PACRG: variants seen among roughly 807,000 people sequenced by gnomAD.
The protein encoded by PACRG is parkin coregulated.
In PACRG, 29 loss-of-function variants were observed where a neutral mutation model predicts 29.7. The ratio of observed to expected loss-of-function variants is 0.98; its 90% CI spans 0.73 to 1.33. The LOEUF (loss-of-function observed/expected upper bound fraction) is 1.33. Among genes scored for constraint, PACRG ranks in the 40% most tolerant of loss-of-function variants. The probability of loss-of-function intolerance (pLI) is 0.00; values close to 1 mark genes in which losing one functional copy is unlikely to be tolerated. For synonymous variants in PACRG, 116 were observed against 118.7 expected (o/e 0.98, Z 0.15); for missense variants, 279 against 316.2 (o/e 0.88, Z 0.89).
chr6:162,792,379 T>A (rs1785026469), intron 1 of PACRG, among the ~76,000 whole-genome samples: 1 of 152,086 alleles, frequency 6.6e-6, no homozygotes, highest in Admixed American at 6.6e-5. Context: ...GTTTCAGGGT[T>A]AGGGTTGCAG....
At chr6:163,018,333 T>C (rs1433695068) in intron 2 of PACRG, among the ~76,000 whole-genome samples, 2 of 152,184 alleles carry the variant, frequency 1.3e-5, no homozygotes, top group Non-Finnish European at 2.9e-5. Flanking sequence ...TAAGTAAATA[T>C]ATACCTAACC....
At chr6:162,914,036 A>T (rs997240082) in intron 2 of PACRG, among the ~76,000 whole-genome samples, 6 of 152,156 alleles carry the variant, frequency 3.9e-5, no homozygotes, top group Non-Finnish European at 7.4e-5. Context: ...CATTTTCTTA[A>T]GGCTCTGCAA....
chr6:163,192,739 T>C (rs1437678326), intron 4 of PACRG, among the ~76,000 whole-genome samples: 1 of 152,186 alleles, frequency 6.6e-6, no homozygotes, highest in Non-Finnish European at 1.5e-5. Flanking sequence ...GAGAGAACAT[T>C]TTATTTTTGT....
At chr6:163,195,597 A>G (rs1780415054) in intron 4 of PACRG, among the ~76,000 whole-genome samples, 1 of 152,120 alleles carries the variant, frequency 6.6e-6, no homozygotes, top group Admixed American at 6.5e-5. Context: ...ATTTTGTGAT[A>G]AGGGAGTGCA....
At position 163,175,353 on chromosome 6, in the gene PACRG, T is replaced by A. The variant is rs551207814; in HGVS notation, c.613+85945T>A. Among the ~76,000 whole-genome samples, 30 of 152,134 alleles carry A rather than the reference T, an allele frequency of 2.0e-4. No homozygotes were observed. In the South Asian group the frequency reaches 5.6e-3, roughly 28 times the overall value. On this transcript the variant is annotated intron_variant, in intron 4 of 4. Transcript: ENST00000366888. ...GAGACTTCTGTTGAAGCTTTGTTTG[T>A]TTGCAGAGGGAGCATAGAGTGTTTA...
chr6:163,029,208 A>C (rs996941780), intron 2 of PACRG, among the ~76,000 whole-genome samples: 11 of 152,216 alleles, frequency 7.2e-5, no homozygotes, highest in African/African-American at 2.6e-4. Flanking sequence ...TCTCCCCTAA[A>C]CCTCCAGAAC....
chr6:163,038,974 A>G (rs1808448760), intron 2 of PACRG, among the ~76,000 whole-genome samples: 2 of 152,206 alleles, frequency 1.3e-5, no homozygotes, highest in African/African-American at 2.4e-5. Context: ...CATATAAAAT[A>G]TCCTAGTTAA....
chr6:163,090,886 ATAT>A (rs1294485312), intron 4 of PACRG, among the ~76,000 whole-genome samples: 1 of 152,208 alleles, frequency 6.6e-6, no homozygotes, highest in Non-Finnish European at 1.5e-5. Context: ...CGATTCACTA[ATAT>A]TTCCTCAGTA....
At chr6:163,314,383 G>T (rs1785562929) in intron 4 of PACRG, among the ~76,000 whole-genome samples, 1 of 152,210 alleles carries the variant, frequency 6.6e-6, no homozygotes, top group African/African-American at 2.4e-5. Flanking sequence ...TTCAAAAGCA[G>T]CAGAGATGCG....
At chr6:162,741,404 C>G (rs1464773023) in intron 1 of PACRG, among the ~76,000 whole-genome samples, 1 of 152,146 alleles carries the variant, frequency 6.6e-6, no homozygotes, top group African/African-American at 2.4e-5. Context: ...GGTCAAGGTG[C>G]CACCATTTTG....
At chr6:163,100,448 G>C (rs562532638) in intron 4 of PACRG, among the ~76,000 whole-genome samples, 1 of 152,158 alleles carries the variant, frequency 6.6e-6, no homozygotes, top group Admixed American at 6.5e-5. Context: ...CAGGCTGCTC[G>C]AGAGGGTTCC....
intron 4 of PACRG, among the ~76,000 whole-genome samples, chr6:163,237,983 T>C (rs182878213): frequency 6.6e-6 from 1 of 152,360 alleles, no homozygotes; most frequent in Admixed American, 6.5e-5. Flanking sequence ...TTCCTGGGGC[T>C]TTTCATTAAT....
At chr6:162,794,087 A>G (rs972255362) in intron 1 of PACRG, among the ~76,000 whole-genome samples, 1 of 152,210 alleles carries the variant, frequency 6.6e-6, no homozygotes, top group African/African-American at 2.4e-5. Flanking sequence ...CACTCAAACT[A>G]GCAGGAATGA....
chr6:162,897,983 C>A (rs962212047), intron 2 of PACRG, among the ~76,000 whole-genome samples: 4 of 152,138 alleles, frequency 2.6e-5, no homozygotes, highest in Non-Finnish European at 5.9e-5. Flanking sequence ...CAGGAAGAGC[C>A]CTGAAGCTAG....
chr6:163,219,723 C>T (rs542455618), intron 4 of PACRG, among the ~76,000 whole-genome samples: 7 of 151,952 alleles, frequency 4.6e-5, no homozygotes, highest in Non-Finnish European at 1.0e-4. Flanking sequence ...GCTCAGCCTG[C>T]CTTTCCCACC....
At chr6:162,947,389 CAT>C (rs1167262743) in intron 2 of PACRG, among the ~76,000 whole-genome samples, 1 of 34,524 alleles carries the variant, frequency 2.9e-5, no homozygotes, top group East Asian at 8.0e-4. Flanking sequence ...TATATATAAT[CAT>C]ATATAATATA....
Position 162,838,087 on chromosome 6 carries a change from C to T in PACRG, c.291+23806C>T, listed in dbSNP as rs187639754. Among the ~76,000 whole-genome samples the T allele has an allele frequency of 6.7e-3, 1,023 of 152,204 alleles. 5 individuals are homozygous for T. Among genetic ancestry groups the T allele is most frequent in the Non-Finnish European group, 0.012 (786 of 67,982 alleles). On this transcript the variant is annotated intron_variant, in intron 2 of 4. Transcript: ENST00000366888. ...TGTTAATGTTTTGGCAGATTTTCTTCCATATTATTCTTTCCTATCTTAGTT... is the reference window on the plus strand; with the variant it reads ...TGTTAATGTTTTGGCAGATTTTCTTTCATATTATTCTTTCCTATCTTAGTT...
At chr6:163,239,164 A>G (rs1196528844) in intron 4 of PACRG, among the ~76,000 whole-genome samples, 1 of 152,220 alleles carries the variant, frequency 6.6e-6, no homozygotes, top group Non-Finnish European at 1.5e-5. Flanking sequence ...GGCTAATGAT[A>G]TCTTCTCTCT....
At chr6:162,884,154 G>C (rs976475463) in intron 2 of PACRG, among the ~76,000 whole-genome samples, 3 of 152,102 alleles carry the variant, frequency 2.0e-5, no homozygotes, top group Non-Finnish European at 4.4e-5. Flanking sequence ...TGCCCAGACT[G>C]TCCTTGAAAT....
Sources: gnomAD v4.1 joint callset for allele counts (sites outside exome capture counted in the v4.1 genomes callset) on GRCh38, gnomAD v4.1.1 for gene constraint, MANE v1.5 for transcripts, NCBI Gene and HGNC (gene_info 2026-07-23, HGNC 2026-07-21) for gene names.